The following UVRAG variants were observed in gnomAD, a reference collection of about 807,000 sequenced individuals.
UVRAG encodes UV radiation resistance-associated gene protein.
A neutral mutation model predicts 78.0 loss-of-function variants in UVRAG; 19 were observed. The observed-to-expected ratio is 0.24, with a 90% CI of 0.17 to 0.36. The LOEUF (loss-of-function observed/expected upper bound fraction) is 0.36. Ranked by LOEUF, UVRAG falls within the 10% of genes least tolerant of loss-of-function variation. UVRAG has a pLI of 1.00. For synonymous variants in UVRAG, 323 were observed against 324.6 expected (o/e 1.00, Z 0.05); for missense variants, 740 against 853.8 (o/e 0.87, Z 1.66).
intron 6 of UVRAG, among the ~76,000 whole-genome samples, chr11:75,928,553 C>T (rs1165212695): frequency 6.6e-6 from 1 of 151,456 alleles, no homozygotes; most frequent in Non-Finnish European, 1.5e-5. Flanking sequence ...TTGCTTGAGC[C>T]TAGGGGTTTG....
intron 11 of UVRAG, among the ~76,000 whole-genome samples, chr11:76,015,641 T>A (rs958701241): frequency 6.6e-6 from 1 of 152,154 alleles, no homozygotes; most frequent in East Asian, 1.9e-4. Context: ...TTTATAAGAC[T>A]ACCAAAGAAA....
At chr11:76,097,635 G>T (rs1160036143) in intron 13 of UVRAG, among the ~76,000 whole-genome samples, 1 of 151,986 alleles carries the variant, frequency 6.6e-6, no homozygotes, top group Non-Finnish European at 1.5e-5. Context: ...TTATGGAACT[G>T]CCTCTTCCTT....
intron 5 of UVRAG, among the ~76,000 whole-genome samples, chr11:75,901,929 C>T (rs997257807): frequency 2.0e-5 from 3 of 152,178 alleles, no homozygotes; most frequent in Admixed American, 6.5e-5. Context: ...TATATGCTTC[C>T]GTAGCACCTT....
intron 6 of UVRAG, among the ~76,000 whole-genome samples, chr11:75,931,424 G>A (rs568948082): frequency 6.6e-6 from 1 of 152,246 alleles, no homozygotes; most frequent in Admixed American, 6.5e-5. Context: ...CCCCAAGGTA[G>A]TCATGGGAAA....
intron 7 of UVRAG, among the ~76,000 whole-genome samples, chr11:75,962,366 T>A (rs926124380): frequency 6.6e-6 from 1 of 152,152 alleles, no homozygotes; most frequent in African/African-American, 2.4e-5. Flanking sequence ...GAAAGCTTTT[T>A]GTTGCCTTGA....
chr11:76,092,030 T>G (rs1447466046), intron 13 of UVRAG, among the ~76,000 whole-genome samples: 1 of 150,526 alleles, frequency 6.6e-6, no homozygotes. Context: ...TTCCCCTTCC[T>G]ATGTACAAGT....
chr11:76,073,387 A>ATGTTTGC, intron 13 of UVRAG, among the ~76,000 whole-genome samples: 1 of 152,154 alleles, frequency 6.6e-6, no homozygotes, highest in Non-Finnish European at 1.5e-5. Flanking sequence ...TTTTCTCAAA[A>ATGTTTGC]CTGAATGAAG....
chr11:75,864,473 T>C (rs183553582), intron 3 of UVRAG, among the ~76,000 whole-genome samples: 2 of 152,384 alleles, frequency 1.3e-5, no homozygotes, highest in African/African-American at 4.8e-5. Flanking sequence ...TCAGAGAATA[T>C]GCCAGAGATG....
intron 2 of UVRAG, among the ~76,000 whole-genome samples, chr11:75,858,366 C>T (rs1467516197): frequency 2.6e-5 from 4 of 152,112 alleles, no homozygotes; most frequent in Non-Finnish European, 4.4e-5. Flanking sequence ...GTGTACCATA[C>T]TATTTATGTT....
At chr11:75,982,439 C>T (rs923841932) in intron 7 of UVRAG, among the ~76,000 whole-genome samples, 2 of 146,318 alleles carry the variant, frequency 1.4e-5, no homozygotes, top group Non-Finnish European at 2.9e-5. Context: ...AGGGTGGCCT[C>T]ATTAGCACTG....
rs541550248 is a variant in UVRAG, at chr11:75,854,101, A to G, written c.235+2101A>G. Among the ~76,000 whole-genome samples, 5 of 152,274 alleles carry G rather than the reference A, an allele frequency of 3.3e-5. No individual in the cohort carries two copies. In the South Asian group the frequency reaches 8.3e-4, roughly 25 times the overall value. On this transcript the variant is annotated intron_variant, in intron 2 of 14. Coordinates refer to ENST00000356136, the MANE Select transcript of UVRAG (RefSeq NM_003369.4). The stretch of plus-strand genomic sequence containing the variant: ...CATTCCATATTTTTGAAACAATTGT[A>G]TTCATCTGAATGATTAATGCTAGCT...
chr11:75,946,351 C>T (rs1346777976), intron 6 of UVRAG, among the ~76,000 whole-genome samples: 1 of 152,074 alleles, frequency 6.6e-6, no homozygotes, highest in Non-Finnish European at 1.5e-5. Flanking sequence ...ATAATGTGCT[C>T]AGTAAATGGA....
At chr11:75,994,169 G>A (rs1949663181) in intron 8 of UVRAG, among the ~76,000 whole-genome samples, 2 of 152,206 alleles carry the variant, frequency 1.3e-5, no homozygotes, top group Non-Finnish European at 2.9e-5. Flanking sequence ...TGGTGCCTGG[G>A]AAGTGGTATT....
At chr11:75,865,229 G>A (rs2134799539) in intron 3 of UVRAG, among the ~76,000 whole-genome samples, 1 of 148,858 alleles carries the variant, frequency 6.7e-6, no homozygotes, top group South Asian at 2.2e-4. Context: ...GGAGGTTGCG[G>A]TGAGCCGAGA....
chr11:76,141,002 A>G lies in UVRAG; in HGVS notation c.1689A>G (p.Lys563=). 2 of 1,614,194 alleles carry G rather than the reference A, an allele frequency of 1.2e-6. No homozygotes were observed. The highest frequency in any genetic ancestry group is 1.7e-6 in the Non-Finnish European group (2 of 1,180,038). ...TGGACTTCTCCAAAGAAAACAAGAA[A>G]AAAGGAGAGGATCTAGTTGGCAGCT... ...TSLDFSKENK[K]KGEDLVGSLN... is the part of the protein sequence containing the mutation. The change falls in exon 15 of 15, where the codon AAA becomes AAG. Residue 563 remains lysine (K), a synonymous_variant. Coordinates refer to ENST00000356136, the MANE Select transcript of UVRAG (RefSeq NM_003369.4).
At chr11:75,817,209 G>T (rs1273270120) in intron 1 of UVRAG, among the ~76,000 whole-genome samples, 1 of 152,128 alleles carries the variant, frequency 6.6e-6, no homozygotes, top group Non-Finnish European at 1.5e-5. Flanking sequence ...AGGGAGCACC[G>T]TTAGAAACAC....
At chr11:76,080,486 A>G (rs1303739910) in intron 13 of UVRAG, among the ~76,000 whole-genome samples, 2 of 151,878 alleles carry the variant, frequency 1.3e-5, no homozygotes, top group Non-Finnish European at 2.9e-5. Flanking sequence ...TTGAGCACAT[A>G]TTGCTTTTAT....
At chr11:76,052,775 A>G (rs1950894524) in intron 12 of UVRAG, among the ~76,000 whole-genome samples, 1 of 151,958 alleles carries the variant, frequency 6.6e-6, no homozygotes, top group South Asian at 2.1e-4. Context: ...CATATTCTCA[A>G]GGCTCTGAAG....
At chr11:75,823,825 A>G (rs1288060275) in intron 1 of UVRAG, among the ~76,000 whole-genome samples, 1 of 152,092 alleles carries the variant, frequency 6.6e-6, no homozygotes, top group Non-Finnish European at 1.5e-5. Context: ...TTTAGTAGGA[A>G]CTCATGTACA....
Sources: gnomAD v4.1 joint callset for allele counts (sites outside exome capture counted in the v4.1 genomes callset) on GRCh38, gnomAD v4.1.1 for gene constraint, MANE v1.5 for transcripts, NCBI Gene and HGNC (gene_info 2026-07-23, HGNC 2026-07-21) for gene names.